Variants in BRWD1 observed in about 807,000 individuals in gnomAD.
The protein encoded by BRWD1 is bromodomain and WD repeat-containing protein 1.
A neutral mutation model predicts 251.2 loss-of-function variants in BRWD1; 82 were observed. The observed-to-expected ratio is 0.33, with a 90% CI of 0.27 to 0.39. BRWD1 has a LOEUF of 0.39. BRWD1 is among the 10% of genes least tolerant of loss of function. BRWD1 has a pLI of 1.00. For synonymous variants in BRWD1, 918 were observed against 902.8 expected, an observed-to-expected ratio of 1.02 and a Z score of -0.30; for missense variants, 2,233 against 2,711.6, an observed-to-expected ratio of 0.82 and a Z score of 3.92.
At chr21:39,281,945 T>C (rs568958937) in intron 8 of BRWD1, among the ~76,000 whole-genome samples, 2 of 151,508 alleles carry the variant, frequency 1.3e-5, no homozygotes, top group East Asian at 1.9e-4. Flanking sequence ...TACATGTGTA[T>C]ATATGTAGAC....
At chr21:39,248,330 G>A (rs2034268363) in intron 20 of BRWD1, among the ~76,000 whole-genome samples, 1 of 151,894 alleles carries the variant, frequency 6.6e-6, no homozygotes, top group Non-Finnish European at 1.5e-5. Context: ...AAAAAGTCAA[G>A]GCCAGACGCG....
At chr21:39,285,188 A>C (rs1253732059) in intron 8 of BRWD1, among the ~76,000 whole-genome samples, 1 of 152,242 alleles carries the variant, frequency 6.6e-6, no homozygotes, top group African/African-American at 2.4e-5. Flanking sequence ...AATATGGATG[A>C]ACCTAAAGGC....
intron 21 of BRWD1, among the ~76,000 whole-genome samples, chr21:39,241,654 T>G (rs1335244429): frequency 2.6e-5 from 4 of 152,142 alleles, no homozygotes; most frequent in Non-Finnish European, 5.9e-5. Flanking sequence ...TACATGTGTC[T>G]GCATATAATA....
intron 14 of BRWD1, 22 bp downstream of exon 14, chr21:39,270,261 C>A (rs781659324): frequency 1.3e-6 from 2 of 1,523,690 alleles, no homozygotes; most frequent in Admixed American, 2.2e-5. Flanking sequence ...TCATTTGTTA[C>A]ACTGTACCAG....
chr21:39,296,362 G>C lies in BRWD1; in HGVS notation c.351C>G (p.Asp117Glu). 6.4e-7 allele frequency: 1 copy of C among 1,562,308 alleles called. No individual in the cohort carries two copies. The highest frequency in any genetic ancestry group is 8.6e-7 in the Non-Finnish European group (1 of 1,160,062). The change falls in exon 6 of 41, where the codon GAC (aspartate) becomes GAG (glutamate). Residue 117 changes from aspartate to glutamate, a missense_variant and splice_region_variant. Physicochemically the swap from Asp to Glu is conservative, Grantham distance 45. Coordinates refer to ENST00000342449, the MANE Select transcript of BRWD1 (RefSeq NM_033656.4). ...AGCCCTTCCAAACTGTGTGCCTGCA[G>C]TCTTTAAAATGAATTTTAGATACAC... ...GRQSLLRTAK[D>E]CRHTVWKGSA...
intron 20 of BRWD1, among the ~76,000 whole-genome samples, chr21:39,250,546 A>G (rs2034360884): frequency 6.6e-6 from 1 of 151,438 alleles, no homozygotes. Context: ...TCAGAATCAA[A>G]TAATTTAGTA....
chr21:39,312,788 G>GC, intron 4 of BRWD1, 53 bp downstream of exon 4: 2 of 1,468,028 alleles, frequency 1.4e-6, no homozygotes, highest in South Asian at 1.2e-5. Context: ...GAAGGGGCGG[G>GC]GGCGGGGGGC....
chr21:39,197,444 A>G (rs373948345), intron 40 of BRWD1, 29 bp from the exon 41 acceptor site: 1 of 1,492,010 alleles, frequency 6.7e-7, no homozygotes, highest in African/African-American at 1.4e-5. Context: ...ATTTCTATTA[A>G]TCTTTTGTAA....
chr21:39,210,435 T>C (rs564776466), intron 35 of BRWD1, among the ~76,000 whole-genome samples: 10 of 152,294 alleles, frequency 6.6e-5, no homozygotes, highest in African/African-American at 1.7e-4. Flanking sequence ...ATCCAACTTT[T>C]TTTATAAAGT....
At chr21:39,320,105 G>A (rs116175771) in intron 1 of BRWD1, among the ~76,000 whole-genome samples, 220 of 152,206 alleles carry the variant, frequency 1.4e-3, no homozygotes, top group African/African-American at 5.0e-3. Flanking sequence ...GCCATGGCTC[G>A]CTTGCCCTTG....
At chr21:39,311,358 G>A (rs1221351202) in intron 4 of BRWD1, among the ~76,000 whole-genome samples, 1 of 151,680 alleles carries the variant, frequency 6.6e-6, no homozygotes, top group Non-Finnish European at 1.5e-5. Context: ...ATTCTTTGTG[G>A]AGACAAGAGT....
intron 18 of BRWD1, among the ~76,000 whole-genome samples, chr21:39,257,869 T>C (rs2034611249): frequency 6.6e-6 from 1 of 152,170 alleles, no homozygotes; most frequent in Admixed American, 6.5e-5. Context: ...AGGTAAAGAA[T>C]ATATGGCTGT....
At position 39,192,762 on chromosome 21, in the gene BRWD1, A is replaced by C; in HGVS notation, c.*3497T>G. Reference sequence around the variant, plus strand: ...ACAATGGAGTGGAAAGGAAAACAAAAAAGATCGTAAGCACCTTTAACAATG... The same window carrying C: ...ACAATGGAGTGGAAAGGAAAACAAACAAGATCGTAAGCACCTTTAACAATG... On this transcript the variant is annotated 3_prime_UTR_variant, in exon 41 of 41. Coordinates refer to ENST00000342449, the MANE Select transcript of BRWD1 (RefSeq NM_033656.4). The C allele has an allele frequency of 1.0e-6, 1 of 985,158 alleles. No individual in the cohort carries two copies. The highest frequency in any genetic ancestry group is 1.2e-6 in the Non-Finnish European group (1 of 829,744). The allele number at this position is 985,158 out of a possible 1,614,324, so 61.0% of individuals were successfully genotyped here. A position where few individuals can be genotyped will look rare whatever the true frequency, so the allele number is the denominator to read the frequency against.
rs1201237696 is a variant in BRWD1, at chr21:39,232,242, C to T, written c.2935G>A (p.Val979Ile). ...RQGHEAYIEAVRRNNIYELNP... is the reference protein window; with the variant it reads ...RQGHEAYIEAIRRNNIYELNP... ...AGTTCATAAATATTATTTCTTCTTA[C>T]AGCCTCAATATAAGCTTCATGACCC... is the stretch of plus-strand genomic sequence containing the variant. The change falls in exon 25 of 41, where the codon GTA becomes ATA. Residue 979 changes from valine (V) to isoleucine (I), a missense_variant. Val to Ile is a conservative substitution (Grantham distance 29, BLOSUM62 3). Transcript: ENST00000342449. 3.3e-5 allele frequency: 53 copies of T among 1,613,432 alleles called. No homozygotes were observed. Among genetic ancestry groups the T allele is most frequent in the Non-Finnish European group, 4.2e-5 (50 of 1,179,714 alleles).
At chr21:39,296,920 C>G in intron 5 of BRWD1, 1 of 984,740 alleles carries the variant, frequency 1.0e-6, no homozygotes, top group Non-Finnish European at 1.2e-6. Context: ...AAATTCATGA[C>G]TTGTTCAGTT....
intron 7 of BRWD1, among the ~76,000 whole-genome samples, chr21:39,294,246 G>A (rs116547398): frequency 1.2e-3 from 189 of 152,206 alleles, no homozygotes; most frequent in African/African-American, 4.2e-3. Flanking sequence ...AGATACTGCC[G>A]AGTTATCATT....
At position 39,202,409 on chromosome 21, in the gene BRWD1, T is replaced by C. The variant is rs1285185231; in HGVS notation, c.4501A>G (p.Thr1501Ala). Residue 1501 changes from threonine to alanine, a missense_variant, in exon 38 of 41, where the codon ACT (threonine) becomes GCT (alanine). Thr to Ala is a moderately conservative substitution (Grantham distance 58). Coordinates refer to ENST00000342449, the MANE Select transcript of BRWD1 (RefSeq NM_033656.4). ...KTSAGISSGV[T>A]SGDSSDSAES... ...GCTGAATCTGAAGAGTCACCAGAAG[T>C]AACACCTGAAGAGATACCAGCACTT... 1 of 1,613,960 alleles carries C rather than the reference T, an allele frequency of 6.2e-7. No homozygotes were observed. Among genetic ancestry groups the C allele is most frequent in the Non-Finnish European group, 8.5e-7 (1 of 1,179,962 alleles).
chr21:39,184,268 G>C (rs1157246982), downstream of BRWD1: 1 of 152,222 alleles, frequency 6.6e-6, no homozygotes, highest in African/African-American at 2.4e-5. Flanking sequence ...ACATTTTTAT[G>C]AGTGTAAAAA....
Position 39,190,163 on chromosome 21 carries a change from A to AT in BRWD1, c.*6095dup, listed in dbSNP as rs777872978. ...GGTGAATAGAAACCTGGATACAAACATAACAGTTCTGACTCAACACAATCT... is the reference window on the plus strand; with the variant it reads ...GGTGAATAGAAACCTGGATACAAACATTAACAGTTCTGACTCAACACAATCT... On this transcript the variant is annotated 3_prime_UTR_variant, in exon 41 of 41. Transcript: ENST00000342449. 7.1e-6 allele frequency: 7 copies of AT among 984,870 alleles called. No homozygotes were observed. The highest frequency in any genetic ancestry group is 8.4e-6 in the Non-Finnish European group (7 of 829,418). 61.0% of individuals were successfully genotyped at this position (984,870 alleles called of 1,614,324 possible). A position where few individuals can be genotyped will look rare whatever the true frequency, so the allele number is the denominator to read the frequency against.
Sources: gnomAD v4.1 joint callset for allele counts (sites outside exome capture counted in the v4.1 genomes callset) on GRCh38, gnomAD v4.1.1 for gene constraint, MANE v1.5 for transcripts, NCBI Gene and HGNC (gene_info 2026-07-23, HGNC 2026-07-21) for gene names.